Variants in STT3B observed in about 807,000 individuals in gnomAD.
The protein encoded by STT3B is STT3 oligosaccharyltransferase complex catalytic subunit B, also known as dolichyl-diphosphooligosaccharide--protein glycosyltransferase subunit STT3B.
In STT3B, 29 loss-of-function variants were observed where a neutral mutation model predicts 96.8. The ratio of observed to expected loss-of-function variants is 0.30; its 90% CI spans 0.22 to 0.41. The LOEUF (loss-of-function observed/expected upper bound fraction) is 0.41, where lower values mean the gene tolerates loss of function less well. Among genes scored for constraint, STT3B ranks in the 10% least tolerant of loss-of-function variants. The pLI is 1.00. For synonymous variants in STT3B, 367 were observed against 360.0 expected (o/e 1.02, Z -0.22); for missense variants, 640 against 1,022.3 (o/e 0.63, Z 5.10).
chr3:31,616,165 C>T (rs1699302785), intron 6 of STT3B, among the ~76,000 whole-genome samples: 1 of 151,742 alleles, frequency 6.6e-6, no homozygotes, highest in Non-Finnish European at 1.5e-5. Context: ...TAAGATTGGA[C>T]AAAGAGAAGT....
chr3:31,587,278 C>G (rs549573876), intron 3 of STT3B, among the ~76,000 whole-genome samples: 222 of 146,740 alleles, frequency 1.5e-3, no homozygotes, highest in Non-Finnish European at 2.5e-3. Context: ...AAAGCCTCGC[C>G]CATGATCAGT....
chr3:31,559,480 T>A (rs1016958551), intron 1 of STT3B, among the ~76,000 whole-genome samples: 2 of 152,024 alleles, frequency 1.3e-5, no homozygotes, highest in Non-Finnish European at 2.9e-5. Context: ...TGGGAGCATG[T>A]TGTTTAAGTT....
chr3:31,553,091 A>G (rs1370233317), intron 1 of STT3B, among the ~76,000 whole-genome samples: 33 of 147,562 alleles, frequency 2.2e-4, no homozygotes, highest in South Asian at 4.3e-4. Context: ...GACAGAGCGA[A>G]ACTCCGTCTC....
Position 31,542,808 on chromosome 3 carries a change from C to T in STT3B, c.314+9496C>T, listed in dbSNP as rs547199567. Among the ~76,000 whole-genome samples, 4 of 152,224 alleles carry T rather than the reference C, an allele frequency of 2.6e-5. No individual in the cohort carries two copies. The East Asian group carries it at 5.8e-4, about 22-fold the overall frequency. ...CAGGCTGGCTGGGTGTGGTGGCTCA[C>T]GCCTGTAACCCCAGCACTTTGGGTT... On this transcript the variant is annotated intron_variant, in intron 1 of 15. Coordinates refer to ENST00000295770, the MANE Select transcript of STT3B (RefSeq NM_178862.3).
intron 1 of STT3B, among the ~76,000 whole-genome samples, chr3:31,572,857 A>G (rs893512191): frequency 2.0e-5 from 3 of 152,240 alleles, no homozygotes; most frequent in African/African-American, 2.4e-5. Flanking sequence ...CAAAATTCTC[A>G]TATGTCCTTT....
intron 1 of STT3B, among the ~76,000 whole-genome samples, chr3:31,543,746 C>T (rs955453558): frequency 6.6e-6 from 1 of 152,068 alleles, no homozygotes; most frequent in African/African-American, 2.4e-5. Context: ...TCATGACAGC[C>T]ATCAACAATT....
At chr3:31,635,520 T>C (rs1269008814) in intron 15 of STT3B, among the ~76,000 whole-genome samples, 1 of 152,288 alleles carries the variant, frequency 6.6e-6, no homozygotes, top group Admixed American at 6.5e-5. Flanking sequence ...TATCTCTCAT[T>C]TTTGTAGATG....
At chr3:31,602,113 G>A (rs928779195) in intron 5 of STT3B, among the ~76,000 whole-genome samples, 1 of 152,058 alleles carries the variant, frequency 6.6e-6, no homozygotes, top group East Asian at 1.9e-4. Flanking sequence ...GACAGAAGGA[G>A]ACCTGTCTCT....
intron 5 of STT3B, among the ~76,000 whole-genome samples, chr3:31,601,590 A>G (rs1698929298): frequency 6.6e-6 from 1 of 152,092 alleles, no homozygotes; most frequent in South Asian, 2.1e-4. Flanking sequence ...TTGCCTGGGG[A>G]TTTAGGAGGA....
intron 1 of STT3B, among the ~76,000 whole-genome samples, chr3:31,566,138 G>C (rs1697998743): frequency 6.6e-6 from 1 of 152,112 alleles, no homozygotes; most frequent in Admixed American, 6.5e-5. Context: ...TGTCCATTCT[G>C]GTACCCCACT....
At chr3:31,627,106 T>A (rs1409292977) in intron 13 of STT3B, among the ~76,000 whole-genome samples, 2 of 152,156 alleles carry the variant, frequency 1.3e-5, no homozygotes, top group African/African-American at 4.8e-5. Context: ...TATTTATACC[T>A]GTTTTGCAGG....
chr3:31,617,312 G>A (rs1460488883), intron 7 of STT3B, among the ~76,000 whole-genome samples: 1 of 150,256 alleles, frequency 6.7e-6, no homozygotes, highest in Non-Finnish European at 1.5e-5. Context: ...AAAAATCAGA[G>A]CTTCTGTTAT....
At chr3:31,582,616 ACAAC>A (rs1456803078) in intron 3 of STT3B, among the ~76,000 whole-genome samples, 1 of 151,390 alleles carries the variant, frequency 6.6e-6, no homozygotes, top group Non-Finnish European at 1.5e-5. Context: ...TTTCTAGTTC[ACAAC>A]GTAGTTTGTG....
intron 1 of STT3B, among the ~76,000 whole-genome samples, chr3:31,546,675 G>T (rs760710772): frequency 6.6e-6 from 1 of 152,112 alleles, no homozygotes; most frequent in Non-Finnish European, 1.5e-5. Context: ...TTTATCTCCC[G>T]TAAAATATCT....
intron 7 of STT3B, 63 bp from the exon 8 acceptor site, chr3:31,617,877 C>T (rs1699341219): frequency 9.2e-7 from 1 of 1,089,314 alleles, no homozygotes; most frequent in Non-Finnish European, 1.4e-6. Context: ...AACATAAAGG[C>T]AATAAAAGAT....
intron 5 of STT3B, among the ~76,000 whole-genome samples, chr3:31,601,553 C>A (rs6799486): frequency 0.011 from 1,748 of 152,064 alleles, 34 homozygotes; most frequent in African/African-American, 0.041. Context: ...ATGGGTAAAT[C>A]CATAGCAACA....
At chr3:31,590,152 G>C (rs1437188588) in intron 3 of STT3B, among the ~76,000 whole-genome samples, 1 of 151,726 alleles carries the variant, frequency 6.6e-6, no homozygotes, top group Non-Finnish European at 1.5e-5. Flanking sequence ...TTCTTTATAA[G>C]TCTTTGGATT....
chr3:31,608,081 C>T (rs1349462503), intron 5 of STT3B, among the ~76,000 whole-genome samples: 1 of 152,124 alleles, frequency 6.6e-6, no homozygotes, highest in African/African-American at 2.4e-5. Flanking sequence ...TTTATCAAGA[C>T]AAGATTCCAT....
chr3:31,552,450 C>T (rs1697584844), intron 1 of STT3B, among the ~76,000 whole-genome samples: 2 of 152,156 alleles, frequency 1.3e-5, no homozygotes, highest in Admixed American at 1.3e-4. Context: ...ATAAACTAAA[C>T]ACATTGTCTT....
Sources: gnomAD v4.1 joint callset for allele counts (sites outside exome capture counted in the v4.1 genomes callset) on GRCh38, gnomAD v4.1.1 for gene constraint, MANE v1.5 for transcripts, NCBI Gene and HGNC (gene_info 2026-07-23, HGNC 2026-07-21) for gene names.